DNAJA4: variants seen among roughly 807,000 people sequenced by gnomAD.
DNAJA4 encodes dnaJ homolog subfamily A member 4.
In DNAJA4, 32 loss-of-function variants were observed where a neutral mutation model predicts 39.7. The observed-to-expected ratio is 0.81, with a 90% CI of 0.61 to 1.08. The LOEUF is 1.08. DNAJA4 is among the 50% of genes least tolerant of loss of function. DNAJA4 has a pLI of 0.00. For missense variants in DNAJA4, 439 were observed against 505.1 expected (o/e 0.87, Z 1.25); for synonymous variants, 184 against 182.4 (o/e 1.01, Z -0.07).
intron 1 of DNAJA4, among the ~76,000 whole-genome samples, chr15:78,267,575 C>A (rs1397810767): frequency 2.0e-5 from 3 of 151,716 alleles, no homozygotes. Flanking sequence ...TTGGCTATTA[C>A]CCTGTTGAGA....
At chr15:78,266,433 G>T in intron 1 of DNAJA4, 1 of 717,204 alleles carries the variant, frequency 1.4e-6, no homozygotes. Flanking sequence ...CAGGTTGTTT[G>T]GTTTGTTTTA....
intron 4 of DNAJA4, chr15:78,274,759 T>G (rs1309249157): frequency 5.6e-6 from 2 of 358,242 alleles, no homozygotes; most frequent in African/African-American, 2.1e-5. Flanking sequence ...CTAGAATCTT[T>G]CGGAGTGTCT....
rs1438618188 is a variant in DNAJA4, at chr15:78,281,762, G to A, written c.*1302G>A. On this transcript the variant is annotated 3_prime_UTR_variant, in exon 7 of 7. Transcript: ENST00000394852. ...ACCCTTATTTGGTTACATGGCACCT[G>A]AGAGTTTCACTCAGACCAGGGATCT... 6.6e-6 allele frequency: 1 copy of A among 152,210 alleles called. No homozygotes were observed. The highest frequency in any genetic ancestry group is 2.4e-5 in the African/African-American group (1 of 41,452). 9.4% of individuals were successfully genotyped at this position (152,210 alleles called of 1,614,324 possible). A position where few individuals can be genotyped will look rare whatever the true frequency, so the allele number is the denominator to read the frequency against.
intron 5 of DNAJA4, among the ~76,000 whole-genome samples, chr15:78,278,644 T>G (rs897135628): frequency 1.3e-5 from 2 of 152,112 alleles, no homozygotes. Context: ...CACTATGCTG[T>G]GCATGACTGT....
At chr15:78,276,875 G>A (rs572208940) in intron 5 of DNAJA4, among the ~76,000 whole-genome samples, 4 of 152,182 alleles carry the variant, frequency 2.6e-5, no homozygotes, top group African/African-American at 9.7e-5. Flanking sequence ...TTCCCTCCGT[G>A]TCCCTCTCCC....
Position 78,264,576 on chromosome 15 carries a change from A to AGGCGTGGAAGTCGGTCC in DNAJA4, c.-183_-167dup. 1.7e-6 allele frequency: 2 copies of AGGCGTGGAAGTCGGTCC among 1,172,972 alleles called. No homozygotes were observed. The highest frequency in any genetic ancestry group is 2.1e-6 in the Non-Finnish European group (2 of 950,910). 72.7% of individuals were successfully genotyped at this position (1,172,972 alleles called of 1,614,324 possible). A position where few individuals can be genotyped will look rare whatever the true frequency, so the allele number is the denominator to read the frequency against. ...CCGGTGGCTCTAGTGCGGTGGAGCC[A>AGGCGTGGAAGTCGGTCC]GGCGTGGAAGTCGGTCCGGCGCGGG... On this transcript the variant is annotated 5_prime_UTR_variant, in exon 1 of 7. Coordinates refer to ENST00000394852, the MANE Select transcript of DNAJA4 (RefSeq NM_001130182.2).
At position 78,280,461 on chromosome 15, in the gene DNAJA4, C is replaced by T. The variant is rs745726616; in HGVS notation, c.*1C>T. 18 of 1,606,672 alleles carry T rather than the reference C, an allele frequency of 1.1e-5. No individual in the cohort carries two copies. Among genetic ancestry groups the T allele is most frequent in the South Asian group, 5.5e-5 (5 of 90,322 alleles). ...TGGAGTGCAGTGCCAGACGGCATGA[C>T]GTGGTGCGGGGCAGCGTGGCCCCAC... On this transcript the variant is annotated 3_prime_UTR_variant, in exon 7 of 7. Coordinates refer to ENST00000394852, the MANE Select transcript of DNAJA4 (RefSeq NM_001130182.2).
chr15:78,266,288 A>G lies in DNAJA4; in HGVS notation c.132+1393A>G, dbSNP rs7179906. On this transcript the variant is annotated intron_variant, in intron 1 of 6. Coordinates refer to ENST00000394852, the MANE Select transcript of DNAJA4 (RefSeq NM_001130182.2). ...GGATTCAGGTCAAATCTCAGCACTC[A>G]CAAGAGTAAGTTCATGCCTCTGTGT... 5.9e-3 allele frequency: 9,551 copies of G among 1,613,864 alleles called. 447 individuals carry two copies. In the African/African-American group the frequency reaches 0.11, roughly 18 times the overall value.
In DNAJA4 at chr15:78,282,059, G is replaced by A. The variant is rs1217194250; in HGVS notation, c.*1599G>A. ...TCCTAATTATTGCTAAAGAACTACT[G>A]TTTAGTTGGTAATGGTGTAAAATTA... is the stretch of plus-strand genomic sequence containing the variant. On this transcript the variant is annotated 3_prime_UTR_variant, in exon 7 of 7. Transcript: ENST00000394852. The A allele has an allele frequency of 6.6e-6, 1 of 152,178 alleles. No homozygotes were observed. The highest frequency in any genetic ancestry group is 1.5e-5 in the Non-Finnish European group (1 of 68,022). The allele number at this position is 152,178 out of a possible 1,614,324, so 9.4% of individuals were successfully genotyped here.
chr15:78,266,340 G>C (rs886143132), intron 1 of DNAJA4: 3 of 1,558,924 alleles, frequency 1.9e-6, no homozygotes, highest in African/African-American at 2.7e-5. Flanking sequence ...ATATGCTTTT[G>C]TTCTGAAGCT....
At position 78,280,324 on chromosome 15, in the gene DNAJA4, T is replaced by C. The variant is rs919197170; in HGVS notation, c.1058T>C (p.Val353Ala). 1 of 1,613,900 alleles carries C rather than the reference T, an allele frequency of 6.2e-7. No homozygotes were observed. Among genetic ancestry groups the C allele is most frequent in the Non-Finnish European group, 8.5e-7 (1 of 1,179,986 alleles). The stretch of plus-strand genomic sequence containing the variant: ...GCTTTACTCCCTCCTCGACAGAAAG[T>C]GAGGATTACAGATGACATGGATCAG... ...LEALLPPRQKVRITDDMDQVE... is the reference protein window; with the variant it reads ...LEALLPPRQKARITDDMDQVE... The change falls in exon 7 of 7, where the codon GTG (valine) becomes GCG (alanine). Residue 353 changes from valine to alanine, a missense_variant. Transcript: ENST00000394852.
intron 3 of DNAJA4, 82 bp downstream of exon 3, chr15:78,273,281 A>T (rs1399672544): frequency 1.2e-5 from 11 of 891,742 alleles, no homozygotes; most frequent in Non-Finnish European, 1.8e-5. Context: ...TTCAGGGAAA[A>T]TAAGTTATCT....
chr15:78,280,135 T>C lies in DNAJA4; in HGVS notation c.968T>C (p.Ile323Thr), dbSNP rs150822161. The change falls in exon 6 of 7, where the codon ATA (isoleucine) becomes ACA (threonine). Residue 323 changes from isoleucine to threonine, a missense_variant. Coordinates refer to ENST00000394852, the MANE Select transcript of DNAJA4 (RefSeq NM_001130182.2). ...KAPLEKGILI[I>T]QFLVIFPEKH... ...CCCCTGGAAAAAGGGATTCTGATCATACAGTTTTTAGTAAGTTCACTATGT... is the reference window on the plus strand; with the variant it reads ...CCCCTGGAAAAAGGGATTCTGATCACACAGTTTTTAGTAAGTTCACTATGT... The C allele has an allele frequency of 1.4e-5, 22 of 1,614,182 alleles. No individual in the cohort carries two copies. The African/African-American group carries it at 2.7e-4, about 20-fold the overall frequency.
chr15:78,270,729 C>G, intron 2 of DNAJA4, 52 bp downstream of exon 2: 1 of 1,571,314 alleles, frequency 6.4e-7, no homozygotes, highest in South Asian at 1.2e-5. Flanking sequence ...CACAATTATA[C>G]GTGTTGTTGG....
At chr15:78,278,959 G>A (rs1414230846) in intron 5 of DNAJA4, among the ~76,000 whole-genome samples, 3 of 147,074 alleles carry the variant, frequency 2.0e-5, no homozygotes, top group African/African-American at 5.0e-5. Context: ...GTGAGCCACC[G>A]TGCCTGGCCA....
intron 2 of DNAJA4, among the ~76,000 whole-genome samples, chr15:78,272,097 G>T (rs2049314795): frequency 1.3e-5 from 2 of 152,122 alleles, no homozygotes; most frequent in South Asian, 4.1e-4. Flanking sequence ...GGTACTTTGG[G>T]AGGCCGAGGT....
At chr15:78,276,407 G>T (rs1006686609) in intron 5 of DNAJA4, among the ~76,000 whole-genome samples, 3 of 152,216 alleles carry the variant, frequency 2.0e-5, no homozygotes, top group African/African-American at 4.8e-5. Context: ...GGTTCCTGAG[G>T]CCTGAGCTCA....
chr15:78,275,908 C>T (rs1436144336), intron 5 of DNAJA4, among the ~76,000 whole-genome samples, 180 bp downstream of exon 5: 4 of 152,112 alleles, frequency 2.6e-5, no homozygotes, highest in African/African-American at 9.7e-5. Flanking sequence ...CATCTGTCGC[C>T]TTGAGTATTT....
At chr15:78,266,376 C>T in intron 1 of DNAJA4, 1 of 1,256,052 alleles carries the variant, frequency 8.0e-7, no homozygotes, top group Non-Finnish European at 1.1e-6. Context: ...TTAGACTTGA[C>T]CTGTACTACA....
Sources: gnomAD v4.1 joint callset for allele counts (sites outside exome capture counted in the v4.1 genomes callset) on GRCh38, gnomAD v4.1.1 for gene constraint, MANE v1.5 for transcripts, NCBI Gene and HGNC (gene_info 2026-07-23, HGNC 2026-07-21) for gene names.